Variants in SHISA9 observed in about 807,000 individuals in gnomAD.
SHISA9 encodes the protein protein shisa-9.
SHISA9 carries 13 observed loss-of-function variants against 38.0 expected under a neutral mutation model. The observed-to-expected ratio is 0.34, with a 90% CI of 0.22 to 0.54. The LOEUF (loss-of-function observed/expected upper bound fraction) is 0.54, where lower values mean the gene tolerates loss of function less well. Among genes scored for constraint, SHISA9 ranks in the 20% least tolerant of loss-of-function variants. The pLI, the probability that SHISA9 is intolerant of heterozygous loss-of-function variation, is 0.91. For missense variants in SHISA9, 538 were observed against 575.8 expected (o/e 0.93, Z 0.67); for synonymous variants, 275 against 242.0 (o/e 1.14, Z -1.27).
At chr16:13,471,446 C>T in the SHISA9 span, among the ~76,000 whole-genome samples, 2 of 152,128 alleles carry the variant, frequency 1.3e-5, no homozygotes, top group Non-Finnish European at 2.9e-5. Context: ...TCTCCTTTTT[C>T]CTCATGGGAA....
chr16:12,970,396 T>TATACAC lies in SHISA9; in HGVS notation c.691+53584_691+53585insCACATA, dbSNP rs1265802678. Among the ~76,000 whole-genome samples, 42 of 5,252 alleles carry TATACAC rather than the reference T, an allele frequency of 8.0e-3. 1 individual carries two copies. Among genetic ancestry groups the TATACAC allele is most frequent in the Non-Finnish European group, 0.014 (34 of 2,508 alleles). The allele number at this position is 5,252 out of a possible 152,430, so 3.4% of individuals were successfully genotyped here. ...ATATATATATACATATATGTATATA[T>TATACAC]ATATATACATATATATATATACACA... On this transcript the variant is annotated intron_variant, in intron 2 of 4. Coordinates refer to ENST00000558583, the MANE Select transcript of SHISA9 (RefSeq NM_001145204.3).
chr16:13,100,620 C>T (rs565094753), intron 2 of SHISA9, among the ~76,000 whole-genome samples: 1 of 152,298 alleles, frequency 6.6e-6, no homozygotes, highest in Non-Finnish European at 1.5e-5. Context: ...TTGTTCGGGG[C>T]CTCCAGAAGT....
intron 2 of SHISA9, among the ~76,000 whole-genome samples, chr16:13,028,349 G>T (rs1165287435): frequency 6.6e-6 from 1 of 152,136 alleles, no homozygotes; most frequent in Non-Finnish European, 1.5e-5. Flanking sequence ...TCATGCTGCT[G>T]ATAAAGACAT....
At chr16:13,309,007 A>C in the SHISA9 span, among the ~76,000 whole-genome samples, 2 of 152,230 alleles carry the variant, frequency 1.3e-5, no homozygotes, top group Admixed American at 6.5e-5. Context: ...TTCTCTAACA[A>C]GGTCTATACC....
chr16:13,372,433 C>G, the SHISA9 span, among the ~76,000 whole-genome samples: 1 of 152,164 alleles, frequency 6.6e-6, no homozygotes. Context: ...AAATATGGTA[C>G]AGGAACAAAG....
chr16:12,912,652 C>G (rs1348620455), intron 1 of SHISA9, among the ~76,000 whole-genome samples: 1 of 152,088 alleles, frequency 6.6e-6, no homozygotes, highest in Non-Finnish European at 1.5e-5. Flanking sequence ...TCCCTGTAGC[C>G]CCTTTGAGTT....
chr16:12,950,108 G>A (rs868158501), intron 2 of SHISA9, among the ~76,000 whole-genome samples: 20 of 152,318 alleles, frequency 1.3e-4, no homozygotes, highest in Middle Eastern at 3.4e-3. Context: ...ATACAGGTGA[G>A]AACGTGCAAT....
chr16:13,244,361 C>G (rs896104707), downstream of SHISA9, among the ~76,000 whole-genome samples: 1 of 152,136 alleles, frequency 6.6e-6, no homozygotes, highest in Non-Finnish European at 1.5e-5. Context: ...TCTGCCACCC[C>G]TGAGACAGCA....
intron 2 of SHISA9, among the ~76,000 whole-genome samples, chr16:13,154,464 T>C (rs143600750): frequency 6.6e-6 from 1 of 152,302 alleles, no homozygotes; most frequent in East Asian, 1.9e-4. Flanking sequence ...AGCCATGTGC[T>C]TTTCCCCTCC....
At chr16:12,951,029 C>T (rs1341499491) in intron 2 of SHISA9, among the ~76,000 whole-genome samples, 1 of 150,378 alleles carries the variant, frequency 6.6e-6, no homozygotes, top group African/African-American at 2.4e-5. Flanking sequence ...CAAGACCAGC[C>T]TGGCCTACAT....
At chr16:13,127,101 G>C (rs1410295257) in intron 2 of SHISA9, among the ~76,000 whole-genome samples, 4 of 145,920 alleles carry the variant, frequency 2.7e-5, no homozygotes, top group African/African-American at 1.0e-4. Flanking sequence ...GAAGGAAAGA[G>C]AGAGAGACTG....
At chr16:13,260,789 C>T in the SHISA9 span, among the ~76,000 whole-genome samples, 1 of 152,160 alleles carries the variant, frequency 6.6e-6, no homozygotes, top group Non-Finnish European at 1.5e-5. Context: ...AGCAGCGCCC[C>T]CCTTTACTGG....
At chr16:13,304,679 T>A in the SHISA9 span, among the ~76,000 whole-genome samples, 197 of 152,324 alleles carry the variant, frequency 1.3e-3, no homozygotes, top group African/African-American at 4.0e-3. Flanking sequence ...GTGTGTTTTT[T>A]ATTCCCGCAA....
chr16:13,363,668 G>C, the SHISA9 span, among the ~76,000 whole-genome samples: 1 of 152,208 alleles, frequency 6.6e-6, no homozygotes, highest in Non-Finnish European at 1.5e-5. Context: ...GAAAGGTAGA[G>C]CTCCAGAGAC....
chr16:13,018,587 G>A (rs1489228411), intron 2 of SHISA9, among the ~76,000 whole-genome samples: 1 of 152,234 alleles, frequency 6.6e-6, no homozygotes, highest in East Asian at 1.9e-4. Context: ...GTCCCAGGCA[G>A]GGGGTGTGGA....
intron 2 of SHISA9, among the ~76,000 whole-genome samples, chr16:12,980,628 CATT>C (rs1268949377): frequency 2.0e-5 from 3 of 151,348 alleles, no homozygotes; most frequent in Admixed American, 1.3e-4. Context: ...AATTTGTACT[CATT>C]ATTTCTTAAA....
chr16:13,262,678 G>GAGGGAGGGAGGAAGGAAGGAAGGA, the SHISA9 span, among the ~76,000 whole-genome samples: 2 of 55,860 alleles, frequency 3.6e-5, no homozygotes, highest in African/African-American at 1.8e-4. Context: ...GGAAGGGAGG[G>GAGGGAGGGAGGAAGGAAGGAAGGA]AGGAAGGAAG....
chr16:13,323,798 T>C, the SHISA9 span, among the ~76,000 whole-genome samples: 2 of 152,120 alleles, frequency 1.3e-5, no homozygotes, highest in African/African-American at 4.8e-5. Context: ...GGAAACTGCC[T>C]CCAAGATCCA....
the SHISA9 span, among the ~76,000 whole-genome samples, chr16:13,518,048 C>T: frequency 6.6e-6 from 1 of 152,166 alleles, no homozygotes; most frequent in Non-Finnish European, 1.5e-5. Flanking sequence ...GTGAATTGCG[C>T]TCTGTGCTCT....
Sources: allele counts gnomAD v4.1 joint callset (sites outside exome capture counted in the v4.1 genomes callset), GRCh38; gene constraint gnomAD v4.1.1; transcripts MANE v1.5; gene names NCBI Gene and HGNC (gene_info 2026-07-23, HGNC 2026-07-21).